Variants in TBC1D31 observed in about 807,000 individuals in gnomAD.
TBC1D31 encodes TBC1 domain family member 31.
TBC1D31 carries 99 observed loss-of-function variants against 132.9 expected under a neutral mutation model. The observed-to-expected ratio is 0.74, with a 90% CI of 0.63 to 0.88. TBC1D31 has a LOEUF of 0.88. Among genes scored for constraint, TBC1D31 ranks in the 40% least tolerant of loss-of-function variants. TBC1D31 has a pLI of 0.00. For missense variants in TBC1D31, 1,134 were observed against 1,256.6 expected (o/e 0.90, Z 1.48); for synonymous variants, 385 against 419.4 (o/e 0.92, Z 1.00).
intron 5 of TBC1D31, 71 bp from the exon 6 acceptor site, chr8:123,097,210 GA>G: frequency 6.6e-7 from 1 of 1,524,608 alleles, no homozygotes; most frequent in Non-Finnish European, 9.0e-7. Context: ...TGTCATCATA[GA>G]AAGTTCTGTC....
In TBC1D31 at chr8:123,124,927, A is replaced by G. The variant is rs1819885939; in HGVS notation, c.1571-1129A>G. Among the ~76,000 whole-genome samples, 14 of 139,706 alleles carry G rather than the reference A, an allele frequency of 1.0e-4. 1 individual carries two copies. The Admixed American group carries it at 1.1e-3, about 11-fold the overall frequency. The allele number at this position is 139,706 out of a possible 152,430, so 91.7% of individuals were successfully genotyped here. ...ACTCCAGCCTGGGCCACAGAGTGAG[A>G]CTCCGTCTCACAAAAAAAAAAAAAA... On this transcript the variant is annotated intron_variant, in intron 11 of 21. Transcript: ENST00000287380.
chr8:123,077,719 A>C (rs984019532), intron 2 of TBC1D31, among the ~76,000 whole-genome samples: 2 of 152,036 alleles, frequency 1.3e-5, no homozygotes, highest in African/African-American at 4.8e-5. Context: ...TTCTTTGCAC[A>C]TTGTTGTTGT....
At chr8:123,156,019 G>A (rs1822977417), downstream of TBC1D31, among the ~76,000 whole-genome samples, 1 of 152,158 alleles carries the variant, frequency 6.6e-6, no homozygotes, top group South Asian at 2.1e-4. Context: ...CATGAAAAAT[G>A]GCAGACTCTC....
intron 5 of TBC1D31, among the ~76,000 whole-genome samples, chr8:123,095,682 C>T (rs1014116205): frequency 7.2e-5 from 11 of 152,200 alleles, no homozygotes; most frequent in Non-Finnish European, 1.5e-4. Context: ...TTTACTACAA[C>T]TCCAGTTGCC....
chr8:123,100,946 T>C lies in TBC1D31; in HGVS notation c.971T>C (p.Ile324Thr). ...CCACATGGACGGTACATTGCATCTA[T>C]TATGGAAAATGGAAGTCTAAACATA... ...ISPHGRYIAS[I>T]MENGSLNIYS... Residue 324 changes from isoleucine (I) to threonine (T), a missense_variant, in exon 7 of 22, where the codon ATT (isoleucine) becomes ACT (threonine). Coordinates refer to ENST00000287380, the MANE Select transcript of TBC1D31 (RefSeq NM_145647.4). The C allele has an allele frequency of 6.2e-7, 1 of 1,614,026 alleles. No homozygotes were observed. The highest frequency in any genetic ancestry group is 8.5e-7 in the Non-Finnish European group (1 of 1,179,944).
At chr8:123,119,134 T>A (rs1225279566) in intron 10 of TBC1D31, among the ~76,000 whole-genome samples, 6 of 152,310 alleles carry the variant, frequency 3.9e-5, no homozygotes, top group South Asian at 2.1e-4. Flanking sequence ...AAAGGTTTTT[T>A]AAAAATCATT....
At chr8:123,123,607 AC>A (rs1484984703) in intron 11 of TBC1D31, 1 of 152,954 alleles carries the variant, frequency 6.5e-6, no homozygotes, top group East Asian at 1.9e-4. Flanking sequence ...AAAGCCTGAT[AC>A]AGCAAAAATG....
rs757135160 is a variant in TBC1D31, at chr8:123,093,573, TTCTC to T, written c.520-16_520-13del. ...TGTGAACCTTATGTGAAAACTAACT[TTCTC>T]TATTCCTCCTTAGGTTTTCTTTCTA... On this transcript the variant is annotated splice_polypyrimidine_tract_variant and intron_variant, in intron 4 of 21. Coordinates refer to ENST00000287380, the MANE Select transcript of TBC1D31 (RefSeq NM_145647.4). 6.4e-7 allele frequency: 1 copy of T among 1,570,006 alleles called. No individual in the cohort carries two copies. Among genetic ancestry groups the T allele is most frequent in the Non-Finnish European group, 8.7e-7 (1 of 1,151,538 alleles).
At chr8:123,161,124 G>A in the TBC1D31 span, among the ~76,000 whole-genome samples, 23 of 152,248 alleles carry the variant, frequency 1.5e-4, no homozygotes, top group Non-Finnish European at 2.8e-4. Flanking sequence ...GACCCGCTGG[G>A]GACCCGAGGG....
chr8:123,083,309 T>C (rs1815369834), intron 3 of TBC1D31: 1 of 153,276 alleles, frequency 6.5e-6, no homozygotes, highest in African/African-American at 2.4e-5. Flanking sequence ...CCAAGCTGTT[T>C]TCTCTGCTTA....
chr8:123,152,857 T>C (rs1822888258), downstream of TBC1D31, among the ~76,000 whole-genome samples: 1 of 151,984 alleles, frequency 6.6e-6, no homozygotes, highest in Non-Finnish European at 1.5e-5. Context: ...GGCAACAGAG[T>C]GAGACTCCAT....
At chr8:123,144,112 G>A (rs1821952964) in intron 19 of TBC1D31, among the ~76,000 whole-genome samples, 1 of 152,098 alleles carries the variant, frequency 6.6e-6, no homozygotes, top group Admixed American at 6.5e-5. Context: ...TATTTCTATA[G>A]CATAAAAATT....
chr8:123,075,900 G>A (rs1563660544), intron 1 of TBC1D31, among the ~76,000 whole-genome samples: 1 of 151,952 alleles, frequency 6.6e-6, no homozygotes, highest in Non-Finnish European at 1.5e-5. Context: ...CAGATACAGG[G>A]TATATAATCC....
At chr8:123,076,223 CCTG>C (rs1407014513) in intron 1 of TBC1D31, among the ~76,000 whole-genome samples, 1 of 152,106 alleles carries the variant, frequency 6.6e-6, no homozygotes, top group Non-Finnish European at 1.5e-5. Context: ...ACCTCAGACT[CCTG>C]AGTAACTGGG....
At chr8:123,097,212 A>C in intron 5 of TBC1D31, 70 bp from the exon 6 acceptor site, 1 of 1,537,152 alleles carries the variant, frequency 6.5e-7, no homozygotes, top group East Asian at 2.3e-5. Context: ...TCATCATAGA[A>C]AGTTCTGTCG....
Position 123,093,720 on chromosome 8 carries a change from T to C in TBC1D31, c.649T>C (p.Tyr217His). ...PAPPESSSILYKVFAVTRDGR... is the reference protein window; with the variant it reads ...PAPPESSSILHKVFAVTRDGR... ...TCCACCTGAAAGCTCTAGTATATTATACAAAGTGTTTGCTGTAACCAGGTA... is the reference window on the plus strand; with the variant it reads ...TCCACCTGAAAGCTCTAGTATATTACACAAAGTGTTTGCTGTAACCAGGTA... Residue 217 changes from tyrosine to histidine, a missense_variant, in exon 5 of 22, where the codon TAC becomes CAC. Physicochemically the swap from Tyr to His is moderately conservative, Grantham distance 83 (BLOSUM62 2). Coordinates refer to ENST00000287380, the MANE Select transcript of TBC1D31 (RefSeq NM_145647.4). 6.3e-7 allele frequency: 1 copy of C among 1,598,190 alleles called. No individual in the cohort carries two copies. The highest frequency in any genetic ancestry group is 1.1e-5 in the South Asian group (1 of 88,128).
downstream of TBC1D31, among the ~76,000 whole-genome samples, chr8:123,156,507 A>G (rs1822993383): frequency 6.6e-6 from 1 of 152,108 alleles, no homozygotes; most frequent in South Asian, 2.1e-4. Flanking sequence ...AAAGAGTTGA[A>G]AGATGAAGGG....
chr8:123,130,697 G>A (rs1424733951), intron 16 of TBC1D31, among the ~76,000 whole-genome samples: 1 of 149,120 alleles, frequency 6.7e-6, no homozygotes, highest in Admixed American at 6.7e-5. Context: ...CCTCAGCTCA[G>A]TGCAACCTCC....
intron 10 of TBC1D31, among the ~76,000 whole-genome samples, chr8:123,119,449 G>A (rs971400892): frequency 2.0e-5 from 3 of 152,194 alleles, no homozygotes; most frequent in African/African-American, 7.2e-5. Context: ...AGTGGCTCAC[G>A]CCTCTAATCC....
Sources: allele counts gnomAD v4.1 joint callset (sites outside exome capture counted in the v4.1 genomes callset), GRCh38; gene constraint gnomAD v4.1.1; transcripts MANE v1.5; gene names NCBI Gene and HGNC (gene_info 2026-07-23, HGNC 2026-07-21).